ALMS1: variants seen among roughly 807,000 people sequenced by gnomAD.
ALMS1 encodes centrosome-associated protein ALMS1.
In ALMS1, 271 loss-of-function variants were observed where a neutral mutation model predicts 352.2. The ratio of observed to expected loss-of-function variants is 0.77; its 90% CI spans 0.70 to 0.85. The LOEUF (loss-of-function observed/expected upper bound fraction) is 0.85, where lower values mean the gene tolerates loss of function less well. Ranked by LOEUF, ALMS1 falls within the 40% of genes least tolerant of loss-of-function variation. ALMS1 has a pLI of 0.00. For synonymous variants in ALMS1, 1,865 were observed against 1,761.2 expected (o/e 1.06, Z -1.48); for missense variants, 5,445 against 4,870.7 (o/e 1.12, Z -3.51).
chr2:73,571,864 A>G (rs1256792717), intron 15 of ALMS1, among the ~76,000 whole-genome samples: 1 of 152,178 alleles, frequency 6.6e-6, no homozygotes, highest in Non-Finnish European at 1.5e-5. Flanking sequence ...TCTTAGCTGA[A>G]TATGGGGTTA....
At chr2:73,408,510 A>T in intron 1 of ALMS1, 112 bp from the exon 2 acceptor site, 1 of 1,224,678 alleles carries the variant, frequency 8.2e-7, no homozygotes, top group Non-Finnish European at 1.2e-6. Flanking sequence ...AATGTCGTAT[A>T]TGTGAAAGGG....
intron 1 of ALMS1, among the ~76,000 whole-genome samples, chr2:73,407,930 T>G (rs1671002812): frequency 6.6e-6 from 1 of 152,182 alleles, no homozygotes; most frequent in African/African-American, 2.4e-5. Flanking sequence ...TGTAATCGGA[T>G]TTTTAGTAAG....
intron 13 of ALMS1, among the ~76,000 whole-genome samples, chr2:73,554,888 G>A (rs182353006): frequency 1.7e-4 from 26 of 152,124 alleles, no homozygotes; most frequent in Admixed American, 1.6e-3. Context: ...ATTTTAAAAA[G>A]CAATATGGTA....
chr2:73,455,397 G>A, intron 9 of ALMS1, 102 bp downstream of exon 9: 1 of 1,495,882 alleles, frequency 6.7e-7, no homozygotes, highest in Non-Finnish European at 9.1e-7. Context: ...ATAATATTTG[G>A]CTAAAGCCTT....
Position 73,497,589 on chromosome 2 carries a change from T to C in ALMS1, c.9539+6091T>C, listed in dbSNP as rs144276139. Among the ~76,000 whole-genome samples the C allele has an allele frequency of 1.4e-3, 210 of 152,222 alleles. 4 individuals are homozygous for C. The South Asian group carries it at 0.02, about 15-fold the overall frequency. ...TACTCTATGAAGTGTATAATAGCGT[T>C]ATGTCTAAAAAAATGTACCTACCTT... On this transcript the variant is annotated intron_variant, in intron 10 of 22. Coordinates refer to ENST00000613296, the MANE Select transcript of ALMS1 (RefSeq NM_001378454.1).
rs1558651689 is a variant in ALMS1 at position 73,453,866 on chromosome 2, T to C, written c.7339T>C (p.Phe2447Leu). The change falls in exon 8 of 23, where the codon TTT (phenylalanine) becomes CTT (leucine). Residue 2447 changes from phenylalanine to leucine, a missense_variant. Coordinates refer to ENST00000613296, the MANE Select transcript of ALMS1 (RefSeq NM_001378454.1). ...AGTTTCTGATGTTCTTCTAAACTTC[T>C]TTCCATATGTTTCACCCAAGACAAG... The part of the protein sequence containing the change: ...ESVSDVLLNF[F>L]PYVSPKTSIT... 3 of 1,614,148 alleles carry C rather than the reference T, an allele frequency of 1.9e-6. No individual in the cohort carries two copies. Among genetic ancestry groups the C allele is most frequent in the African/African-American group, 1.3e-5 (1 of 75,042 alleles).
At chr2:73,404,314 T>C (rs1278365983) in intron 1 of ALMS1, among the ~76,000 whole-genome samples, 1 of 152,192 alleles carries the variant, frequency 6.6e-6, no homozygotes, top group African/African-American at 2.4e-5. Context: ...TTTCCAGTGC[T>C]ATGTTGAGTA....
chr2:73,479,964 T>C (rs1299823893), intron 9 of ALMS1, among the ~76,000 whole-genome samples: 3 of 152,156 alleles, frequency 2.0e-5, no homozygotes, highest in Non-Finnish European at 4.4e-5. Flanking sequence ...ATTTCCCTAA[T>C]GGTTTTTGAT....
chr2:73,501,208 A>G (rs1673212364), intron 10 of ALMS1, among the ~76,000 whole-genome samples: 1 of 152,136 alleles, frequency 6.6e-6, no homozygotes, highest in African/African-American at 2.4e-5. Flanking sequence ...TTTTTATAAT[A>G]TATTCCAGAT....
At position 73,491,516 on chromosome 2, in the gene ALMS1, A is replaced by G. The variant is rs1305749409; in HGVS notation, c.9539+18A>G. The G allele has an allele frequency of 1.9e-6, 3 of 1,612,750 alleles. No homozygotes were observed. The highest frequency in any genetic ancestry group is 2.5e-6 in the Non-Finnish European group (3 of 1,179,100). On this transcript the variant is annotated intron_variant, in intron 10 of 22. Coordinates refer to ENST00000613296, the MANE Select transcript of ALMS1 (RefSeq NM_001378454.1). ...GCAGATCGGTGAGTCTCATTGTGAT[A>G]ACAAGCAAGCTGGATGGACTTTGTA...
intron 9 of ALMS1, among the ~76,000 whole-genome samples, chr2:73,478,711 T>C (rs1572959437): frequency 6.6e-6 from 1 of 152,112 alleles, no homozygotes; most frequent in Non-Finnish European, 1.5e-5. Flanking sequence ...AGGATACATA[T>C]GCAGAACGTG....
intron 12 of ALMS1, among the ~76,000 whole-genome samples, chr2:73,539,866 C>T (rs1010264724): frequency 1.3e-5 from 2 of 152,128 alleles, no homozygotes; most frequent in Non-Finnish European, 2.9e-5. Flanking sequence ...AAATATGAGA[C>T]TATATGAAAC....
intron 9 of ALMS1, among the ~76,000 whole-genome samples, chr2:73,476,372 A>C (rs1360446393): frequency 6.6e-6 from 1 of 152,014 alleles, no homozygotes; most frequent in Non-Finnish European, 1.5e-5. Flanking sequence ...TGTTATAATT[A>C]TCTCTTCAAG....
chr2:73,469,585 G>A (rs1039474082), intron 9 of ALMS1: 4 of 151,876 alleles, frequency 2.6e-5, no homozygotes, highest in Non-Finnish European at 4.4e-5. Context: ...CATTATGAGA[G>A]AGAAAAACTT....
At chr2:73,548,616 C>G (rs192571093) in intron 12 of ALMS1, among the ~76,000 whole-genome samples, 5 of 152,320 alleles carry the variant, frequency 3.3e-5, no homozygotes, top group Admixed American at 6.5e-5. Flanking sequence ...GAATGACCAC[C>G]ATTTACAGTT....
intron 16 of ALMS1, among the ~76,000 whole-genome samples, chr2:73,596,110 G>C (rs1675541056): frequency 6.6e-6 from 1 of 152,226 alleles, no homozygotes; most frequent in African/African-American, 2.4e-5. Flanking sequence ...CAGTAATGAT[G>C]AAGTCCCATT....
intron 2 of ALMS1, among the ~76,000 whole-genome samples, chr2:73,418,424 A>G (rs561408030): frequency 6.6e-6 from 1 of 152,342 alleles, no homozygotes; most frequent in South Asian, 2.1e-4. Context: ...ATGCTTCAGT[A>G]GGTCCCATGA....
rs546111188 is a variant in ALMS1, at chr2:73,451,772, A to G, written c.5245A>G (p.Thr1749Ala). Reference sequence around the variant, plus strand: ...TGTTCCTCAACCAGCTGACCAGAAGACTGGGTTATCTACTGTAACTTCCTC... The same window carrying G: ...TGTTCCTCAACCAGCTGACCAGAAGGCTGGGTTATCTACTGTAACTTCCTC... ...SAVPQPADQKTGLSTVTSSFY... is the reference protein window; with the variant it reads ...SAVPQPADQKAGLSTVTSSFY... Residue 1749 changes from threonine to alanine, a missense_variant, in exon 8 of 23, where the codon ACT becomes GCT. Transcript: ENST00000613296. 1,410 of 1,614,130 alleles carry G rather than the reference A, an allele frequency of 8.7e-4. 14 individuals carry two copies. The South Asian group carries it at 0.015, about 17-fold the overall frequency.
intron 1 of ALMS1, among the ~76,000 whole-genome samples, chr2:73,403,495 A>G (rs1349884705): frequency 1.3e-5 from 2 of 152,184 alleles, no homozygotes; most frequent in Middle Eastern, 3.4e-3. Flanking sequence ...TGTCTTACAG[A>G]ATTACTTTGG....
Sources: allele counts gnomAD v4.1 joint callset (sites outside exome capture counted in the v4.1 genomes callset), GRCh38; gene constraint gnomAD v4.1.1; transcripts MANE v1.5; gene names NCBI Gene and HGNC (gene_info 2026-07-23, HGNC 2026-07-21).